The following ANKAR variants were observed in gnomAD, a reference collection of about 807,000 sequenced individuals.
The protein encoded by ANKAR is ankyrin and armadillo repeat-containing protein.
ANKAR carries 136 observed loss-of-function variants against 146.2 expected under a neutral mutation model. That is an observed-to-expected ratio of 0.93 (90% CI 0.81 to 1.07). The LOEUF is 1.07. Ranked by LOEUF, ANKAR falls within the 50% of genes least tolerant of loss-of-function variation. The pLI is 0.00. For synonymous variants in ANKAR, 500 were observed against 575.8 expected (o/e 0.87, Z 1.88); for missense variants, 1,567 against 1,679.9 (o/e 0.93, Z 1.18).
chr2:189,740,753 GCACGATCTCTGCT>G (rs1343576505), intron 19 of ANKAR, among the ~76,000 whole-genome samples: 1 of 152,094 alleles, frequency 6.6e-6, no homozygotes, highest in East Asian at 1.9e-4. Context: ...TAGTGCAATG[GCACGATCTCTGCT>G]CACTGCAACC....
intron 6 of ANKAR, 137 bp from the exon 7 acceptor site, chr2:189,696,013 A>G (rs1363120910): frequency 1.5e-6 from 1 of 678,220 alleles, no homozygotes; most frequent in African/African-American, 1.8e-5. Flanking sequence ...GAAACTTTCC[A>G]TGCATGGATC....
chr2:189,713,079 A>G (rs1020740072), intron 10 of ANKAR, among the ~76,000 whole-genome samples: 5 of 152,218 alleles, frequency 3.3e-5, no homozygotes, highest in Admixed American at 6.5e-5. Context: ...AAAAAGAGTA[A>G]GAAGAAATGA....
intron 18 of ANKAR, chr2:189,755,098 G>A (rs979327756): frequency 2.0e-5 from 30 of 1,477,408 alleles, no homozygotes; most frequent in Admixed American, 9.2e-5. Flanking sequence ...GGTGAATGGT[G>A]GTAGCACATC....
chr2:189,679,234 G>T (rs543893686), intron 2 of ANKAR, among the ~76,000 whole-genome samples: 1 of 152,146 alleles, frequency 6.6e-6, no homozygotes, highest in African/African-American at 2.4e-5. Flanking sequence ...GTTGTAAAAG[G>T]GATTGAGTTC....
At chr2:189,678,990 A>T (rs2034209378) in intron 2 of ANKAR, among the ~76,000 whole-genome samples, 1 of 152,196 alleles carries the variant, frequency 6.6e-6, no homozygotes, top group Admixed American at 6.5e-5. Context: ...TGAGAATTGC[A>T]TTGAATCTGT....
chr2:189,705,334 C>A (rs572922662), intron 8 of ANKAR, 110 bp downstream of exon 8: 2 of 1,095,668 alleles, frequency 1.8e-6, no homozygotes, highest in South Asian at 1.6e-5. Context: ...TCATGGCTTG[C>A]CACACACACT....
At chr2:189,736,247 G>A (rs776064202) in intron 17 of ANKAR, among the ~76,000 whole-genome samples, 5 of 152,086 alleles carry the variant, frequency 3.3e-5, no homozygotes, top group African/African-American at 4.8e-5. Context: ...CAGTGATACC[G>A]CAGGAGTGAA....
At chr2:189,695,610 T>C (rs1204158205) in intron 6 of ANKAR, among the ~76,000 whole-genome samples, 1 of 152,190 alleles carries the variant, frequency 6.6e-6, no homozygotes, top group African/African-American at 2.4e-5. Context: ...TCCACATCTG[T>C]TTCAACAAGC....
At chr2:189,733,675 T>G (rs1439975040) in intron 17 of ANKAR, among the ~76,000 whole-genome samples, 2 of 152,186 alleles carry the variant, frequency 1.3e-5, no homozygotes, top group African/African-American at 4.8e-5. Flanking sequence ...TCCAAAATTC[T>G]GGTATATCCT....
chr2:189,741,584 T>C, intron 20 of ANKAR, 133 bp downstream of exon 20: 1 of 510,794 alleles, frequency 2.0e-6, no homozygotes, highest in East Asian at 3.6e-5. Flanking sequence ...TAACTCAAAA[T>C]TACATGACTG....
chr2:189,722,310 G>A (rs2041359413), intron 12 of ANKAR, among the ~76,000 whole-genome samples: 1 of 145,506 alleles, frequency 6.9e-6, no homozygotes, highest in Admixed American at 6.9e-5. Flanking sequence ...CTGCACTCTA[G>A]CCTGGGCAAC....
intron 18 of ANKAR, among the ~76,000 whole-genome samples, chr2:189,753,521 G>A (rs2045615832): frequency 1.3e-5 from 2 of 151,922 alleles, no homozygotes; most frequent in African/African-American, 4.8e-5. Flanking sequence ...CACGAAAGTT[G>A]GTATACCACC....
downstream of ANKAR, among the ~76,000 whole-genome samples, chr2:189,748,799 A>T (rs1468627616): frequency 6.6e-6 from 1 of 152,220 alleles, no homozygotes; most frequent in Non-Finnish European, 1.5e-5. Context: ...AACTGGTTTC[A>T]GGTAGGCTCA....
intron 9 of ANKAR, among the ~76,000 whole-genome samples, chr2:189,707,449 C>T (rs1171776366): frequency 2.6e-5 from 1 of 38,496 alleles, no homozygotes; most frequent in African/African-American, 1.1e-4. Context: ...TCCTCTCCTT[C>T]ATCAAAAAAA....
chr2:189,733,714 A>G (rs2042600959), intron 17 of ANKAR, among the ~76,000 whole-genome samples: 1 of 152,214 alleles, frequency 6.6e-6, no homozygotes, highest in African/African-American at 2.4e-5. Flanking sequence ...TGTCAACTAG[A>G]ACATTAACAT....
chr2:189,742,904 T>TCA (rs2043524598), intron 20 of ANKAR, among the ~76,000 whole-genome samples: 1 of 10,542 alleles, frequency 9.5e-5, no homozygotes, highest in African/African-American at 3.3e-4. Flanking sequence ...TAGAATTACC[T>TCA]GACACACACA....
intron 10 of ANKAR, among the ~76,000 whole-genome samples, chr2:189,716,665 A>C (rs1388031078): frequency 1.3e-5 from 2 of 152,306 alleles, no homozygotes; most frequent in African/African-American, 4.8e-5. Flanking sequence ...AAGCTGGAGC[A>C]ATCACGCTAC....
chr2:189,698,192 A>T (rs1272985047), intron 7 of ANKAR, among the ~76,000 whole-genome samples: 1 of 152,208 alleles, frequency 6.6e-6, no homozygotes, highest in Non-Finnish European at 1.5e-5. Context: ...ATAGTATATA[A>T]TCTCTAAAAT....
chr2:189,681,600 T>G (rs2034689507), intron 2 of ANKAR, among the ~76,000 whole-genome samples: 1 of 152,212 alleles, frequency 6.6e-6, no homozygotes, highest in South Asian at 2.1e-4. Flanking sequence ...CTCAAAACAC[T>G]TAACCACCAG....
Sources: allele counts gnomAD v4.1 joint callset (sites outside exome capture counted in the v4.1 genomes callset), GRCh38; gene constraint gnomAD v4.1.1; transcripts MANE v1.5; gene names NCBI Gene and HGNC (gene_info 2026-07-23, HGNC 2026-07-21).